The following CDH12 variants were observed in gnomAD, a reference collection of about 807,000 sequenced individuals.
CDH12 encodes cadherin 12, also known as cadherin-12.
CDH12 carries 41 observed loss-of-function variants against 74.1 expected under a neutral mutation model. The observed-to-expected ratio is 0.55, with a 90% CI of 0.43 to 0.72. The LOEUF (loss-of-function observed/expected upper bound fraction) is 0.72, where lower values mean the gene tolerates loss of function less well. Among genes scored for constraint, CDH12 ranks in the 30% least tolerant of loss-of-function variants. CDH12 has a pLI of 0.00. For synonymous variants in CDH12, 399 were observed against 355.0 expected, an observed-to-expected ratio of 1.12 and a Z score of -1.39; for missense variants, 945 against 977.2, an observed-to-expected ratio of 0.97 and a Z score of 0.44.
At chr5:22,125,677 C>T (rs1192798028) in intron 4 of CDH12, among the ~76,000 whole-genome samples, 3 of 152,120 alleles carry the variant, frequency 2.0e-5, no homozygotes, top group Non-Finnish European at 2.9e-5. Flanking sequence ...CTGGCCTAGA[C>T]CTGAGGTTGC....
intron 2 of CDH12, among the ~76,000 whole-genome samples, chr5:22,462,030 T>C: frequency 6.6e-6 from 1 of 152,124 alleles, no homozygotes; most frequent in East Asian, 1.9e-4. Context: ...CAAGCTGAAA[T>C]ATACTATAAG....
intron 4 of CDH12, among the ~76,000 whole-genome samples, chr5:22,207,027 C>T: frequency 6.6e-6 from 1 of 150,524 alleles, no homozygotes; most frequent in East Asian, 2.0e-4. Flanking sequence ...TCCTGGCTAA[C>T]ATGGTGAAAC....
At chr5:21,877,923 G>T (rs1300369940) in intron 6 of CDH12, among the ~76,000 whole-genome samples, 1 of 152,170 alleles carries the variant, frequency 6.6e-6, no homozygotes, top group African/African-American at 2.4e-5. Context: ...TTAAAATAAA[G>T]TCTAGAACTT....
chr5:22,359,111 T>C (rs1740687718), intron 3 of CDH12, among the ~76,000 whole-genome samples: 1 of 151,784 alleles, frequency 6.6e-6, no homozygotes, highest in East Asian at 1.9e-4. Context: ...GGCTAAATGC[T>C]CCAATTAAAA....
At chr5:21,884,625 T>C (rs1248621096) in intron 6 of CDH12, among the ~76,000 whole-genome samples, 1 of 152,198 alleles carries the variant, frequency 6.6e-6, no homozygotes, top group Non-Finnish European at 1.5e-5. Context: ...TTTACTACTA[T>C]TCTGTTAAAA....
intron 5 of CDH12, among the ~76,000 whole-genome samples, chr5:22,005,512 A>G (rs1478492153): frequency 1.3e-5 from 2 of 151,728 alleles, no homozygotes; most frequent in South Asian, 4.2e-4. Context: ...GGTCAATCCC[A>G]TTTTAAAATG....
At chr5:22,028,485 A>G (rs1738550943) in intron 5 of CDH12, among the ~76,000 whole-genome samples, 1 of 152,208 alleles carries the variant, frequency 6.6e-6, no homozygotes, top group African/African-American at 2.4e-5. Flanking sequence ...ACAGAGAGCC[A>G]AATCGTGAGT....
intron 5 of CDH12, among the ~76,000 whole-genome samples, chr5:22,072,489 A>C (rs952778197): frequency 6.6e-6 from 1 of 151,568 alleles, no homozygotes; most frequent in Admixed American, 6.6e-5. Context: ...TTTTGGACGG[A>C]GTCATAGACA....
intron 1 of CDH12, among the ~76,000 whole-genome samples, chr5:22,572,617 G>A (rs1167138610): frequency 6.6e-6 from 1 of 151,902 alleles, no homozygotes; most frequent in Non-Finnish European, 1.5e-5. Context: ...ATTTATAGAA[G>A]TCTCAGGCTA....
intron 2 of CDH12, among the ~76,000 whole-genome samples, chr5:22,423,518 T>C (rs1455483523): frequency 6.6e-6 from 1 of 152,220 alleles, no homozygotes; most frequent in African/African-American, 2.4e-5. Flanking sequence ...GAATGTGGGA[T>C]AGGTCTATTG....
intron 2 of CDH12, among the ~76,000 whole-genome samples, chr5:22,467,445 A>C (rs1295090204): frequency 6.6e-6 from 1 of 152,088 alleles, no homozygotes; most frequent in African/African-American, 2.4e-5. Flanking sequence ...TTCTCTTCCC[A>C]CATCCTGTCA....
At chr5:22,832,719 A>G (rs1476896191) in intron 1 of CDH12, among the ~76,000 whole-genome samples, 2 of 152,118 alleles carry the variant, frequency 1.3e-5, no homozygotes, top group Non-Finnish European at 2.9e-5. Context: ...TCACTCTGTA[A>G]TTTATTTCAG....
chr5:22,779,674 TGTAA>T (rs1747289207), intron 1 of CDH12, among the ~76,000 whole-genome samples: 2 of 152,170 alleles, frequency 1.3e-5, no homozygotes, highest in Non-Finnish European at 2.9e-5. Flanking sequence ...CTGATGATTT[TGTAA>T]GTGTTTTACA....
chr5:22,054,517 T>C (rs771191736), intron 5 of CDH12, among the ~76,000 whole-genome samples: 4 of 152,160 alleles, frequency 2.6e-5, no homozygotes, highest in Non-Finnish European at 5.9e-5. Flanking sequence ...TATGCAGATA[T>C]ATGGTAAAGA....
chr5:22,552,927 T>G (rs1359041037), intron 1 of CDH12, among the ~76,000 whole-genome samples: 1 of 152,096 alleles, frequency 6.6e-6, no homozygotes, highest in Non-Finnish European at 1.5e-5. Flanking sequence ...TAAAATAAAT[T>G]TAAAATCTAC....
At chr5:22,721,475 C>T (rs534777330) in intron 1 of CDH12, among the ~76,000 whole-genome samples, 15 of 152,176 alleles carry the variant, frequency 9.9e-5, no homozygotes, top group Non-Finnish European at 1.8e-4. Context: ...AAGTAACTAA[C>T]TTGCTTTTAA....
chr5:21,973,827 C>T (rs1401707640), intron 6 of CDH12, among the ~76,000 whole-genome samples: 2 of 152,162 alleles, frequency 1.3e-5, no homozygotes, highest in African/African-American at 4.8e-5. Context: ...GGAATACTTT[C>T]TAACAAGATA....
At chr5:21,780,772 A>G (rs2149895159) in intron 11 of CDH12, among the ~76,000 whole-genome samples, 1 of 152,282 alleles carries the variant, frequency 6.6e-6, no homozygotes, top group African/African-American at 2.4e-5. Flanking sequence ...CATTTTCACC[A>G]TATTATTTCT....
intron 6 of CDH12, among the ~76,000 whole-genome samples, chr5:21,966,401 C>T (rs1216437990): frequency 1.3e-5 from 2 of 151,920 alleles, no homozygotes; most frequent in Non-Finnish European, 2.9e-5. Context: ...ATAGACAACA[C>T]AGAAATGAAT....
Sources: gnomAD v4.1 joint callset for allele counts (sites outside exome capture counted in the v4.1 genomes callset) on GRCh38, gnomAD v4.1.1 for gene constraint, MANE v1.5 for transcripts, NCBI Gene and HGNC (gene_info 2026-07-23, HGNC 2026-07-21) for gene names.